The following GSK3A variants were observed in gnomAD, a reference collection of about 807,000 sequenced individuals.
GSK3A encodes glycogen synthase kinase 3 alpha, also known as glycogen synthase kinase-3 alpha.
In GSK3A, 14 loss-of-function variants were observed where a neutral mutation model predicts 56.6. That is an observed-to-expected ratio of 0.25 (90% CI 0.16 to 0.39). The LOEUF (loss-of-function observed/expected upper bound fraction) is 0.39, where lower values mean the gene tolerates loss of function less well. GSK3A is among the 10% of genes least tolerant of loss of function. GSK3A has a pLI of 1.00. For synonymous variants in GSK3A, 301 were observed against 285.0 expected, an observed-to-expected ratio of 1.06 and a Z score of -0.56; for missense variants, 450 against 656.0, an observed-to-expected ratio of 0.69 and a Z score of 3.43.
chr19:42,236,764 AG>A (rs777640367), intron 3 of GSK3A, 48 bp from the exon 4 acceptor site: 32 of 1,523,376 alleles, frequency 2.1e-5, no homozygotes, highest in Non-Finnish European at 2.8e-5. Flanking sequence ...AAGAGTGAGG[AG>A]GGGGAAGGAA....
chr19:42,237,517 C>T (rs1263902195), intron 2 of GSK3A, among the ~76,000 whole-genome samples: 6 of 151,158 alleles, frequency 4.0e-5, no homozygotes, highest in South Asian at 2.1e-4. Flanking sequence ...TTTTTTTCAA[C>T]TTATTGCTGA....
In GSK3A at chr19:42,242,572, G is replaced by C. The variant is rs2036301484; in HGVS notation, c.-107C>G. ...GCCCTGGCCTCTTCCAGGCCGCGCC[G>C]CTCTGGCTTGGGCTCCGGCTCCGGC... On this transcript the variant is annotated 5_prime_UTR_variant, in exon 1 of 11. Coordinates refer to ENST00000222330, the MANE Select transcript of GSK3A (RefSeq NM_019884.3). 2.1e-5 allele frequency: 19 copies of C among 916,676 alleles called. No individual in the cohort carries two copies. Among genetic ancestry groups the C allele is most frequent in the Non-Finnish European group, 2.6e-5 (19 of 729,032 alleles). 56.8% of individuals were successfully genotyped at this position (916,676 alleles called of 1,614,324 possible). A position where few individuals can be genotyped will look rare whatever the true frequency, so the allele number is the denominator to read the frequency against.
intron 1 of GSK3A, chr19:42,241,079 T>TCC (rs1175130025): frequency 6.6e-6 from 1 of 151,910 alleles, no homozygotes; most frequent in Non-Finnish European, 1.5e-5. Flanking sequence ...CACTGCAACC[T>TCC]CCGCCTGCTG....
intron 1 of GSK3A, chr19:42,240,595 C>T (rs190988156): frequency 1.2e-4 from 28 of 232,558 alleles, no homozygotes; most frequent in Non-Finnish European, 2.2e-4. Flanking sequence ...GCACTAACCT[C>T]TCTCACAGCC....
At chr19:42,233,028 G>C in intron 8 of GSK3A, 82 bp downstream of exon 8, 6 of 853,996 alleles carry the variant, frequency 7.0e-6, no homozygotes, top group South Asian at 1.7e-5. Context: ...CCGTGATTCT[G>C]AGGCTAGGTC....
At position 42,242,402 on chromosome 19, in the gene GSK3A, A is replaced by G; in HGVS notation, c.64T>C (p.Phe22Leu). 2.2e-6 allele frequency: 3 copies of G among 1,384,714 alleles called. No individual in the cohort carries two copies. Among genetic ancestry groups the G allele is most frequent in the Non-Finnish European group, 2.8e-6 (3 of 1,070,358 alleles). 85.8% of individuals were successfully genotyped at this position (1,384,714 alleles called of 1,614,324 possible). The part of the protein sequence containing the change: ...GGSGRARTSS[F>L]AEPGGGGGGG... ...CCGCCTCCGCCGCCGGGCTCCGCGA[A>G]CGAGCTAGTCCGCGCCCTGCCCGAG... The change falls in exon 1 of 11, where the codon TTC becomes CTC. Residue 22 changes from phenylalanine to leucine, a missense_variant. Around this residue, in one of 3 missense-constraint regions of GSK3A, gnomAD observed 193 missense variants for 200.5 expected, o/e 0.96. Coordinates refer to ENST00000222330, the MANE Select transcript of GSK3A (RefSeq NM_019884.3).
At position 42,233,283 on chromosome 19, in the gene GSK3A, C is replaced by CCCA; in HGVS notation, c.1002+2_1002+3insTGG. 1 of 1,566,006 alleles carries CCCA rather than the reference C, an allele frequency of 6.4e-7. No individual in the cohort carries two copies. Among genetic ancestry groups the CCCA allele is most frequent in the Non-Finnish European group, 8.7e-7 (1 of 1,147,056 alleles). On this transcript the variant is annotated splice_region_variant and intron_variant, in intron 7 of 10. Transcript: ENST00000222330. Reference sequence around the variant, plus strand: ...CCCTGCCCAGCCCAGCCCCGCCCCTCACCTTGATGATCTCCACCAGCTGGT... The same window carrying CCCA: ...CCCTGCCCAGCCCAGCCCCGCCCCTCCCAACCTTGATGATCTCCACCAGCTGGT...
intron 2 of GSK3A, among the ~76,000 whole-genome samples, chr19:42,238,598 C>T (rs2036272802): frequency 7.9e-6 from 1 of 126,090 alleles, no homozygotes; most frequent in South Asian, 2.5e-4. Flanking sequence ...CAGCATGAGA[C>T]TCCGTCTCAA....
chr19:42,240,080 C>G lies in GSK3A; in HGVS notation c.346G>C (p.Glu116Gln), dbSNP rs769972399. ...ACTTTGATGTCCGTGTAAGCCACTT[C>G]TTGGGAGCGCTCTGGGCCTTGGCCT... is the stretch of plus-strand genomic sequence containing the variant. ...TLGQGPERSQ[E>Q]VAYTDIKVIG... Residue 116 changes from glutamate (E) to glutamine (Q), a missense_variant, in exon 2 of 11, where the codon GAA (glutamate) becomes CAA (glutamine). This residue lies in a region of GSK3A where 193 missense variants were observed against 200.5 expected (regional missense o/e 0.96). Transcript: ENST00000222330. The G allele has an allele frequency of 1.2e-6, 2 of 1,614,090 alleles. No individual in the cohort carries two copies. The highest frequency in any genetic ancestry group is 2.7e-5 in the African/African-American group (2 of 74,920).
intron 4 of GSK3A, among the ~76,000 whole-genome samples, chr19:42,235,213 A>G (rs1286154131): frequency 6.6e-6 from 1 of 152,184 alleles, no homozygotes; most frequent in African/African-American, 2.4e-5. Context: ...CAAGCTCTCC[A>G]GCACTGATGC....
chr19:42,232,760 G>A (rs1481045397), intron 8 of GSK3A, 78 bp from the exon 9 acceptor site: 1 of 1,226,714 alleles, frequency 8.2e-7, no homozygotes, highest in East Asian at 2.5e-5. Context: ...CTGCCACAGT[G>A]CCTGCGGCAA....
chr19:42,236,365 G>A (rs1056534426), intron 4 of GSK3A, among the ~76,000 whole-genome samples: 1 of 152,080 alleles, frequency 6.6e-6, no homozygotes, highest in East Asian at 1.9e-4. Flanking sequence ...GCAACTACCT[G>A]GCAGCTTCTG....
At chr19:42,240,221 G>A in intron 1 of GSK3A, 79 bp from the exon 2 acceptor site, 1 of 1,343,600 alleles carries the variant, frequency 7.4e-7, no homozygotes, top group Non-Finnish European at 1.1e-6. Context: ...TGGGAGGAAG[G>A]GAAATCTCTG....
At position 42,242,489 on chromosome 19, in the gene GSK3A, G is replaced by C. The variant is rs1160732009; in HGVS notation, c.-24C>G. 1 of 1,133,448 alleles carries C rather than the reference G, an allele frequency of 8.8e-7. No homozygotes were observed. Among genetic ancestry groups the C allele is most frequent in the East Asian group, 4.8e-5 (1 of 20,830 alleles). 70.2% of individuals were successfully genotyped at this position (1,133,448 alleles called of 1,614,324 possible). A position where few individuals can be genotyped will look rare whatever the true frequency, so the allele number is the denominator to read the frequency against. On this transcript the variant is annotated 5_prime_UTR_variant, in exon 1 of 11. Coordinates refer to ENST00000222330, the MANE Select transcript of GSK3A (RefSeq NM_019884.3). ...ATGGCGCCGAGCACAGGCCCAGGCT[G>C]CGGGGCTCGGGCTGCCCGGGCTGCC... is the stretch of plus-strand genomic sequence containing the variant.
intron 6 of GSK3A, among the ~76,000 whole-genome samples, chr19:42,233,919 C>T (rs913365608): frequency 3.3e-5 from 5 of 152,182 alleles, no homozygotes; most frequent in African/African-American, 9.7e-5. Context: ...TCAATTCAGA[C>T]TTCCCCTCAT....
At chr19:42,232,872 G>C in intron 8 of GSK3A, 190 bp from the exon 9 acceptor site, 1 of 589,986 alleles carries the variant, frequency 1.7e-6, no homozygotes, top group Non-Finnish European at 2.9e-6. Flanking sequence ...AGGCAGCCCA[G>C]GTCTGGGACT....
intron 10 of GSK3A, among the ~76,000 whole-genome samples, chr19:42,231,354 C>G (rs1030409829): frequency 6.6e-6 from 1 of 150,696 alleles, no homozygotes; most frequent in African/African-American, 2.4e-5. Context: ...AAAAAGACTC[C>G]GTCTAAAAAA....
In GSK3A at chr19:42,233,019, C is replaced by T. The variant is rs1039238780; in HGVS notation, c.1098+91G>A. The T allele has an allele frequency of 3.4e-5, 27 of 798,252 alleles. No homozygotes were observed. In the East Asian group the frequency reaches 5.4e-4, roughly 16 times the overall value. The allele number at this position is 798,252 out of a possible 1,614,324, so 49.4% of individuals were successfully genotyped here. ...GATAACTCTTCAAATCCTCCCAAGC[C>T]GTGATTCTGAGGCTAGGTCCACAGA... On this transcript the variant is annotated intron_variant, in intron 8 of 10. Coordinates refer to ENST00000222330, the MANE Select transcript of GSK3A (RefSeq NM_019884.3).
At chr19:42,236,459 C>T (rs922365949) in intron 4 of GSK3A, 147 bp downstream of exon 4, 7 of 651,598 alleles carry the variant, frequency 1.1e-5, no homozygotes, top group Non-Finnish European at 1.9e-5. Flanking sequence ...AGCTCCATCT[C>T]GGGGGGTTAT....
Sources: allele counts gnomAD v4.1 joint callset (sites outside exome capture counted in the v4.1 genomes callset), GRCh38; gene constraint gnomAD v4.1.1; regional missense constraint gnomAD v4.1.1; transcripts MANE v1.5; gene names NCBI Gene and HGNC (gene_info 2026-07-23, HGNC 2026-07-21).